ATRX: variants seen among roughly 807,000 people sequenced by gnomAD.
ATRX encodes chromatin remodeler ATRX.
In ATRX, 12 loss-of-function variants were observed where a neutral mutation model predicts 172.6. The observed-to-expected ratio is 0.07, with a 90% CI of 0.04 to 0.11. The LOEUF (loss-of-function observed/expected upper bound fraction) is 0.11, where lower values mean the gene tolerates loss of function less well. Ranked by LOEUF, ATRX falls within the 10% of genes least tolerant of loss-of-function variation. The probability of loss-of-function intolerance (pLI) is 1.00; values close to 1 mark genes in which losing one functional copy is unlikely to be tolerated. For missense variants in ATRX, 1,368 were observed against 1,767.4 expected (o/e 0.77, Z 4.05); for synonymous variants, 674 against 594.7 (o/e 1.13, Z -1.94).
intron 1 of ATRX, among the ~76,000 whole-genome samples, chrX:77,745,549 C>T (rs2075036187): frequency 9.0e-6 from 1 of 111,253 alleles, no homozygotes; most frequent in Admixed American, 9.6e-5. Context: ...AACAATTGAA[C>T]TCATAGAGAT....
intron 1 of ATRX, among the ~76,000 whole-genome samples, chrX:77,757,964 C>G (rs182147180): frequency 1.3e-4 from 14 of 110,814 alleles, no homozygotes; most frequent in Non-Finnish European, 1.3e-4. Context: ...AACAGTGACA[C>G]CTCATTCAAT....
intron 2 of ATRX, among the ~76,000 whole-genome samples, chrX:77,708,084 C>T (rs193044569): frequency 4.5e-5 from 5 of 112,028 alleles, no homozygotes; most frequent in Non-Finnish European, 9.4e-5. Flanking sequence ...TAGGTATATA[C>T]ACAAGATAAA....
At position 77,781,673 on chromosome X, in the gene ATRX, T is replaced by C. The variant is rs782213505; in HGVS notation, c.20+4309A>G. Among the ~76,000 whole-genome samples the C allele has an allele frequency of 5.4e-5, 6 of 111,154 alleles. No homozygotes were observed. The South Asian group carries it at 2.3e-3, about 42-fold the overall frequency. The stretch of plus-strand genomic sequence containing the variant: ...TCCAAGCTGATCATAAGACAAGCAT[T>C]AGGATAAAATTAGAGACAGACTGCT... On this transcript the variant is annotated intron_variant, in intron 1 of 34. Transcript: ENST00000373344.
intron 25 of ATRX, chrX:77,595,136 T>A (rs1557083225): frequency 8.9e-6 from 1 of 112,216 alleles, no homozygotes; most frequent in African/African-American, 3.2e-5. Flanking sequence ...ATACTTATAG[T>A]CTTTATCAAA....
chrX:77,746,299 TAAATAA>T (rs1484639835), intron 1 of ATRX, among the ~76,000 whole-genome samples: 2 of 111,320 alleles, frequency 1.8e-5, no homozygotes, highest in Non-Finnish European at 1.9e-5. Context: ...TAAATTTATA[TAAATAA>T]AAAAAGATCA....
At chrX:77,515,177 G>C (rs1484383339) in intron 34 of ATRX, among the ~76,000 whole-genome samples, 1 of 111,472 alleles carries the variant, frequency 9.0e-6, no homozygotes, top group Non-Finnish European at 1.9e-5. Flanking sequence ...CATCCATTGT[G>C]GAAAGCAGTG....
intron 1 of ATRX, among the ~76,000 whole-genome samples, chrX:77,724,758 T>C (rs2073952315): frequency 8.9e-6 from 1 of 111,773 alleles, no homozygotes; most frequent in Non-Finnish European, 1.9e-5. Flanking sequence ...GTTATGTATA[T>C]GGGCTCCCAA....
chrX:77,707,722 G>C (rs781913228), intron 2 of ATRX, among the ~76,000 whole-genome samples: 1 of 112,047 alleles, frequency 8.9e-6, no homozygotes, highest in Admixed American at 9.5e-5. Flanking sequence ...ACTCCAGCCT[G>C]GGAAACAGAG....
At chrX:77,547,711 G>A (rs1557054015) in intron 30 of ATRX, among the ~76,000 whole-genome samples, 2 of 111,625 alleles carry the variant, frequency 1.8e-5, no homozygotes, top group African/African-American at 6.5e-5. Flanking sequence ...TTTATTGAAA[G>A]TGAAGATCAA....
At chrX:77,667,301 G>A (rs1433966565) in intron 10 of ATRX, among the ~76,000 whole-genome samples, 2 of 24,669 alleles carry the variant, frequency 8.1e-5, no homozygotes, top group East Asian at 1.2e-3. Context: ...AAATATGTGT[G>A]TGTGTGTGTG....
At chrX:77,592,998 C>A (rs2066332845) in intron 26 of ATRX, among the ~76,000 whole-genome samples, 1 of 109,139 alleles carries the variant, frequency 9.2e-6, no homozygotes, top group South Asian at 4.0e-4. Context: ...CTGAGGCGCA[C>A]AAATTGCTTG....
At chrX:77,780,531 T>G (rs1177127263) in intron 1 of ATRX, among the ~76,000 whole-genome samples, 1 of 109,141 alleles carries the variant, frequency 9.2e-6, no homozygotes, top group Non-Finnish European at 1.9e-5. Flanking sequence ...GGTTTCACCA[T>G]CTTGGCCAGG....
intron 34 of ATRX, among the ~76,000 whole-genome samples, chrX:77,509,546 C>T (rs956982320): frequency 4.5e-5 from 5 of 111,951 alleles, no homozygotes; most frequent in Non-Finnish European, 9.4e-5. Flanking sequence ...GAAAGACAGT[C>T]TTGAACTGCC....
intron 1 of ATRX, among the ~76,000 whole-genome samples, chrX:77,764,180 G>A (rs2075826425): frequency 8.9e-6 from 1 of 111,931 alleles, no homozygotes; most frequent in Non-Finnish European, 1.9e-5. Flanking sequence ...GCCTAGAACA[G>A]ATTAAATAAG....
chrX:77,673,752 T>C (rs947431406), intron 10 of ATRX, among the ~76,000 whole-genome samples: 1 of 110,955 alleles, frequency 9.0e-6, no homozygotes, highest in South Asian at 3.7e-4. Context: ...AAGTAAATAG[T>C]AGTTAAATCT....
intron 1 of ATRX, among the ~76,000 whole-genome samples, chrX:77,718,534 C>T (rs1049779735): frequency 3.7e-5 from 4 of 108,505 alleles, no homozygotes; most frequent in African/African-American, 1.0e-4. Context: ...CCACCACGCC[C>T]GGCTAATTTT....
At chrX:77,565,416 G>A (rs1349345211) in intron 28 of ATRX, among the ~76,000 whole-genome samples, 2 of 112,197 alleles carry the variant, frequency 1.8e-5, no homozygotes, top group Non-Finnish European at 3.8e-5. Flanking sequence ...CACCAACACT[G>A]AGATGACATA....
At position 77,664,633 on chromosome X, in the gene ATRX, T is replaced by C. The variant is rs1481111704; in HGVS notation, c.3943+12A>G. On this transcript the variant is annotated intron_variant, in intron 11 of 34. Coordinates refer to ENST00000373344, the MANE Select transcript of ATRX (RefSeq NM_000489.6). Reference sequence around the variant, plus strand: ...AATTATGACATTATAAACTTCTCTCTGGGGAGCTCACCCTCATCTCCTGGG... The same window carrying C: ...AATTATGACATTATAAACTTCTCTCCGGGGAGCTCACCCTCATCTCCTGGG... 1 of 1,210,584 alleles carries C rather than the reference T, an allele frequency of 8.3e-7. No homozygotes were observed. The highest frequency in any genetic ancestry group is 1.1e-6 in the Non-Finnish European group (1 of 894,625).
At chrX:77,742,531 G>T (rs2074916214) in intron 1 of ATRX, among the ~76,000 whole-genome samples, 3 of 112,179 alleles carry the variant, frequency 2.7e-5, no homozygotes, top group South Asian at 7.4e-4. Context: ...ATGGATGACT[G>T]CAAGAATTTC....
Sources: allele counts gnomAD v4.1 joint callset (sites outside exome capture counted in the v4.1 genomes callset), GRCh38; gene constraint gnomAD v4.1.1; transcripts MANE v1.5; gene names NCBI Gene and HGNC (gene_info 2026-07-23, HGNC 2026-07-21).